Variants in ADAM11 observed in about 807,000 individuals in gnomAD.
The protein encoded by ADAM11 is ADAM metallopeptidase domain 11, also known as disintegrin and metalloproteinase domain-containing protein 11.
A neutral mutation model predicts 119.1 loss-of-function variants in ADAM11; 49 were observed. The ratio of observed to expected loss-of-function variants is 0.41; its 90% CI spans 0.33 to 0.52. ADAM11 has a LOEUF of 0.52. Ranked by LOEUF, ADAM11 falls within the 20% of genes least tolerant of loss-of-function variation. The pLI, the probability that ADAM11 is intolerant of heterozygous loss-of-function variation, is 0.20. For synonymous variants in ADAM11, 364 were observed against 408.0 expected (o/e 0.89, Z 1.30); for missense variants, 777 against 1,047.5 (o/e 0.74, Z 3.56).
intron 2 of ADAM11, among the ~76,000 whole-genome samples, chr17:44,765,328 G>T (rs925493122): frequency 6.6e-6 from 1 of 152,132 alleles, no homozygotes; most frequent in Non-Finnish European, 1.5e-5. Flanking sequence ...AGGTGGTGGT[G>T]TCTCCTTGCG....
chr17:44,769,248 G>A (rs1464028252), intron 2 of ADAM11, among the ~76,000 whole-genome samples: 1 of 152,156 alleles, frequency 6.6e-6, no homozygotes, highest in Non-Finnish European at 1.5e-5. Context: ...CTATGTAGAT[G>A]GAGGCTGGGG....
chr17:44,770,425 T>G (rs1012223148), intron 4 of ADAM11, among the ~76,000 whole-genome samples: 1 of 151,716 alleles, frequency 6.6e-6, no homozygotes, highest in African/African-American at 2.4e-5. Flanking sequence ...CCTGGGACAC[T>G]AGGGTCCCAG....
chr17:44,759,320 C>T, intron 1 of ADAM11, 60 bp downstream of exon 1: 1 of 1,338,280 alleles, frequency 7.5e-7, no homozygotes, highest in African/African-American at 1.5e-5. Context: ...GGATGTGCGG[C>T]GCTTGCTGCT....
chr17:44,777,417 A>G lies in ADAM11; in HGVS notation c.1782-65A>G, dbSNP rs1211636948. ...GTGGCAGGGTGCAGGGTGAGGGCAG[A>G]TTAGAGTTCAGTAGTTGAGTCTGAG... On this transcript the variant is annotated intron_variant, in intron 21 of 26. Coordinates refer to ENST00000200557, the MANE Select transcript of ADAM11 (RefSeq NM_002390.6). This position sits in a 1 kb window ranked among gnomAD's most constrained non-coding sequence, Gnocchi z 5.1. 2 of 1,578,304 alleles carry G rather than the reference A, an allele frequency of 1.3e-6. No homozygotes were observed. The highest frequency in any genetic ancestry group is 1.7e-6 in the Non-Finnish European group (2 of 1,149,696).
chr17:44,776,909 A>G lies in ADAM11; in HGVS notation c.1628A>G (p.Tyr543Cys). 6.2e-7 allele frequency: 1 copy of G among 1,613,544 alleles called. No homozygotes were observed. The highest frequency in any genetic ancestry group is 8.5e-7 in the Non-Finnish European group (1 of 1,179,546). ...YYCDHEQGRC[Y>C]GGRCKTRDRQ... Reference sequence around the variant, plus strand: ...TTCTTGGACTCTCAGGGCCGCTGCTACGGAGGTCGCTGCAAAACCCGGGAC... The same window carrying G: ...TTCTTGGACTCTCAGGGCCGCTGCTGCGGAGGTCGCTGCAAAACCCGGGAC... Residue 543 changes from tyrosine to cysteine, a missense_variant, in exon 20 of 27, where the codon TAC becomes TGC. Physicochemically the swap from Tyr to Cys is radical, Grantham distance 194. Around this residue, in one of 4 missense-constraint regions of ADAM11, gnomAD observed 348 missense variants for 486.7 expected, o/e 0.72. Transcript: ENST00000200557. This position sits in a 1 kb window ranked among gnomAD's most constrained non-coding sequence, Gnocchi z 5.2.
In ADAM11 at chr17:44,777,829, G is replaced by T. The variant is rs200184588; in HGVS notation, c.2036G>T (p.Gly679Val). The part of the protein sequence containing the change: ...ASAFNFSTCP[G>V]SGERRICSHH... ...GCCTTCAACTTCAGCACCTGCCCCG[G>T]CAGTGGGGAGCGCCGGATTTGCTCC... The change falls in exon 23 of 27, where the codon GGC becomes GTC. Residue 679 changes from glycine to valine, a missense_variant. Around this residue, in one of 4 missense-constraint regions of ADAM11, gnomAD observed 348 missense variants for 486.7 expected, o/e 0.72. Coordinates refer to ENST00000200557, the MANE Select transcript of ADAM11 (RefSeq NM_002390.6). This position sits in a 1 kb window ranked among gnomAD's most constrained non-coding sequence, Gnocchi z 5.1. 6.2e-7 allele frequency: 1 copy of T among 1,613,674 alleles called. No individual in the cohort carries two copies.
At chr17:44,771,259 C>T (rs2049519469) in intron 4 of ADAM11, among the ~76,000 whole-genome samples, 1 of 150,342 alleles carries the variant, frequency 6.7e-6, no homozygotes, top group Non-Finnish European at 1.5e-5. Context: ...AAGATCACAC[C>T]ACTGCACTCC....
Position 44,759,835 on chromosome 17 carries a change from G to A in ADAM11, c.175G>A (p.Gly59Arg), listed in dbSNP as rs1291167203. ...CAGCCGTCTGGTTAGGGAGAGCTCC[G>A]GGGGAGAGGTCCGAAAGCAGCAGCT... ...EPSRLVRESS[G>R]GEVRKQQLDT... The change falls in exon 2 of 27, where the codon GGG becomes AGG. Residue 59 changes from glycine (G) to arginine (R), a missense_variant. Physicochemically the swap from Gly to Arg is moderately radical, Grantham distance 125. Transcript: ENST00000200557. 1.2e-5 allele frequency: 16 copies of A among 1,314,958 alleles called. No homozygotes were observed. The highest frequency in any genetic ancestry group is 1.5e-5 in the Non-Finnish European group (15 of 1,023,718). 81.5% of individuals were successfully genotyped at this position (1,314,958 alleles called of 1,614,324 possible).
chr17:44,769,943 C>T lies in ADAM11; in HGVS notation c.315-39C>T, dbSNP rs114186081. 92 of 1,612,908 alleles carry T rather than the reference C, an allele frequency of 5.7e-5. No homozygotes were observed. In the Admixed American group the frequency reaches 1.3e-3, roughly 23 times the overall value. The stretch of plus-strand genomic sequence containing the variant: ...GCGAGCCTCAAGCCCGACCTCACCT[C>T]GCCCGTGACCCCCCTTCCTGCTGCC... On this transcript the variant is annotated intron_variant, in intron 3 of 26. Coordinates refer to ENST00000200557, the MANE Select transcript of ADAM11 (RefSeq NM_002390.6).
In ADAM11 at chr17:44,759,228, C is replaced by T. The variant is rs1373869768; in HGVS notation, c.29C>T (p.Ala10Val). Reference protein sequence around the residue: MRLLRRWAFAALLLSLLPTP... With the variant: MRLLRRWAFVALLLSLLPTP... ...AGGCTGCTGCGGCGCTGGGCGTTCG[C>T]GGCTCTGCTGCTGTCGCTGCTCCCC... The change falls in exon 1 of 27, where the codon GCG (alanine) becomes GTG (valine). Residue 10 changes from alanine to valine, a missense_variant. Ala to Val is a moderately conservative substitution (Grantham distance 64). Transcript: ENST00000200557. 1.4e-6 allele frequency: 2 copies of T among 1,438,868 alleles called. No individual in the cohort carries two copies. Among genetic ancestry groups the T allele is most frequent in the Non-Finnish European group, 1.8e-6 (2 of 1,097,712 alleles). 89.1% of individuals were successfully genotyped at this position (1,438,868 alleles called of 1,614,324 possible).
intron 2 of ADAM11, among the ~76,000 whole-genome samples, chr17:44,761,174 G>A (rs1414146300): frequency 5.7e-5 from 7 of 123,464 alleles, no homozygotes; most frequent in South Asian, 2.8e-4. Flanking sequence ...TGTGCACCCC[G>A]TGGTTACACT....
chr17:44,779,098 CCCCGGGGACCCCGG>C, intron 25 of ADAM11, 110 bp from the exon 26 acceptor site: 1 of 1,285,366 alleles, frequency 7.8e-7, no homozygotes, highest in Non-Finnish European at 1.1e-6. Context: ...AGTGTCCAGG[CCCCGGGGACCCCGG>C]CCCCGCTCTG....
Position 44,777,696 on chromosome 17 carries a change from G to C in ADAM11, c.1903G>C (p.Gly635Arg). The change falls in exon 23 of 27, where the codon GGA (glycine) becomes CGA (arginine). Residue 635 changes from glycine to arginine, a missense_variant and splice_region_variant. Transcript: ENST00000200557. The surrounding 1 kb of genome is among the most constrained non-coding windows in gnomAD (Gnocchi z 5.1). ...YHQGKELDCR[G>R]GHVQLADGSD... ...AGGCTGGCTGTGTCACTTCCCCAGG[G>C]GAGGCCACGTGCAGCTGGCGGACGG... 1 of 1,613,796 alleles carries C rather than the reference G, an allele frequency of 6.2e-7. No individual in the cohort carries two copies. The highest frequency in any genetic ancestry group is 1.6e-4 in the Middle Eastern group (1 of 6,062).
At chr17:44,765,192 C>G (rs963123494) in intron 2 of ADAM11, among the ~76,000 whole-genome samples, 2 of 13,580 alleles carry the variant, frequency 1.5e-4, no homozygotes, top group African/African-American at 5.7e-4. Context: ...AACACATTGC[C>G]GGGGGTGGGT....
Position 44,772,166 on chromosome 17 carries a change from C to A in ADAM11, c.544-101C>A. On this transcript the variant is annotated intron_variant, in intron 6 of 26. Transcript: ENST00000200557. This position sits in a 1 kb window ranked among gnomAD's most constrained non-coding sequence, Gnocchi z 4.5. Reference sequence around the variant, plus strand: ...GGGAGCTGTGGCCAGTTCTGGGTCACCCCAGGGTGGGGTGGAGGCGAGGGC... The same window carrying A: ...GGGAGCTGTGGCCAGTTCTGGGTCAACCCAGGGTGGGGTGGAGGCGAGGGC... The A allele has an allele frequency of 8.5e-7, 1 of 1,183,022 alleles. No individual in the cohort carries two copies. The highest frequency in any genetic ancestry group is 1.2e-6 in the Non-Finnish European group (1 of 827,714). 73.3% of individuals were successfully genotyped at this position (1,183,022 alleles called of 1,614,324 possible).
In ADAM11 at chr17:44,773,364, C is replaced by T. The variant is rs2145230741; in HGVS notation, c.929C>T (p.Ala310Val). 1.9e-6 allele frequency: 3 copies of T among 1,614,026 alleles called. No individual in the cohort carries two copies. In the East Asian group the frequency reaches 6.7e-5, roughly 36 times the overall value. The change falls in exon 11 of 27, where the codon GCC (alanine) becomes GTC (valine). Residue 310 changes from alanine (A) to valine (V), a missense_variant. Transcript: ENST00000200557. The surrounding 1 kb of genome is among the most constrained non-coding windows in gnomAD (Gnocchi z 4.6). ...QVQDDLLETLARLMVYRREGL... is the reference protein window; with the variant it reads ...QVQDDLLETLVRLMVYRREGL... Reference sequence around the variant, plus strand: ...CAGGATGACCTCCTGGAGACCCTGGCCCGGCTCATGGTCTACCGACGGGAG... The same window carrying T: ...CAGGATGACCTCCTGGAGACCCTGGTCCGGCTCATGGTCTACCGACGGGAG...
intron 2 of ADAM11, among the ~76,000 whole-genome samples, chr17:44,765,862 A>G (rs2049444069): frequency 6.6e-6 from 1 of 152,052 alleles, no homozygotes; most frequent in Non-Finnish European, 1.5e-5. Flanking sequence ...AGCTCAGGCA[A>G]TCCGCCCACC....
At position 44,769,997 on chromosome 17, in the gene ADAM11, G is replaced by T; in HGVS notation, c.330G>T (p.Ser110=). The change falls in exon 4 of 27, where the codon TCG becomes TCT. Residue 110 remains serine (S), a synonymous_variant. Coordinates refer to ENST00000200557, the MANE Select transcript of ADAM11 (RefSeq NM_002390.6). ...TCTGTCTCAGCCACCTCCTCTCCTC[G>T]CAATACGTGGAGCGCCACTTCAGCC... ...DLELNHHLLS[S]QYVERHFSRE... is the part of the protein sequence containing the mutation. 1 of 1,614,126 alleles carries T rather than the reference G, an allele frequency of 6.2e-7. No homozygotes were observed.
At chr17:44,778,796 A>G (rs993829027) in intron 25 of ADAM11, among the ~76,000 whole-genome samples, 1 of 151,932 alleles carries the variant, frequency 6.6e-6, no homozygotes. Flanking sequence ...CTCTGGAAAC[A>G]TGAAAAGGTT....
Sources: gnomAD v4.1 joint callset for allele counts (sites outside exome capture counted in the v4.1 genomes callset) on GRCh38, gnomAD v4.1.1 for gene constraint, gnomAD v4.1.1 regional missense constraint, Gnocchi (gnomAD v3.1) non-coding constraint, MANE v1.5 for transcripts, NCBI Gene and HGNC (gene_info 2026-07-23, HGNC 2026-07-21) for gene names.